The following TCF12 variants were observed in gnomAD, a reference collection of about 807,000 sequenced individuals.
TCF12 encodes the protein DNA-binding protein HTF4.
Under a neutral mutation model 86.0 loss-of-function variants are expected in TCF12, and 45 were observed. That is an observed-to-expected ratio of 0.52 (90% confidence interval 0.41 to 0.67). The LOEUF is 0.67. Ranked by LOEUF, TCF12 falls within the 30% of genes least tolerant of loss-of-function variation. The pLI is 0.00. For synonymous variants in TCF12, 330 were observed against 299.6 expected (o/e 1.10, Z -1.05); for missense variants, 881 against 859.9 (o/e 1.02, Z -0.31).
intron 3 of TCF12, among the ~76,000 whole-genome samples, chr15:57,047,690 A>C (rs1211734725): frequency 6.6e-6 from 1 of 152,260 alleles, no homozygotes; most frequent in African/African-American, 2.4e-5. Context: ...GCCTCAACTG[A>C]AAAAACCTTT....
chr15:57,235,675 G>C (rs956091981), intron 12 of TCF12, among the ~76,000 whole-genome samples: 1 of 152,166 alleles, frequency 6.6e-6, no homozygotes, highest in African/African-American at 2.4e-5. Flanking sequence ...TCCTTCTCCT[G>C]ATTCTGGAAG....
intron 5 of TCF12, among the ~76,000 whole-genome samples, chr15:57,102,999 A>G (rs866951285): frequency 3.9e-5 from 6 of 152,208 alleles, no homozygotes; most frequent in African/African-American, 1.4e-4. Flanking sequence ...GAGGTGTGGC[A>G]GTTGGGCAGT....
chr15:57,007,850 C>CT, intron 3 of TCF12, among the ~76,000 whole-genome samples: 1 of 73,580 alleles, frequency 1.4e-5, no homozygotes. Flanking sequence ...CTCTCTTTCC[C>CT]TCCCTTCCTT....
At chr15:56,983,678 T>C (rs929738528) in intron 3 of TCF12, among the ~76,000 whole-genome samples, 1 of 152,024 alleles carries the variant, frequency 6.6e-6, no homozygotes, top group African/African-American at 2.4e-5. Context: ...TGTAAAACTT[T>C]AGTCTTTAGA....
At chr15:57,112,854 T>C (rs560969974) in intron 5 of TCF12, among the ~76,000 whole-genome samples, 1 of 152,294 alleles carries the variant, frequency 6.6e-6, no homozygotes, top group Admixed American at 6.5e-5. Flanking sequence ...TGTCTAGACA[T>C]TACATTCCAT....
At chr15:57,049,396 C>T (rs1199864795) in intron 3 of TCF12, among the ~76,000 whole-genome samples, 1 of 152,206 alleles carries the variant, frequency 6.6e-6, no homozygotes, top group African/African-American at 2.4e-5. Context: ...CTACTCCAAA[C>T]AACCATTGTT....
At chr15:56,941,555 A>G (rs1485997421) in intron 3 of TCF12, among the ~76,000 whole-genome samples, 1 of 151,620 alleles carries the variant, frequency 6.6e-6, no homozygotes, top group Admixed American at 6.6e-5. Context: ...TGTATTTTTC[A>G]GTAGAGACAG....
intron 6 of TCF12, among the ~76,000 whole-genome samples, chr15:57,169,117 C>A (rs1168902492): frequency 1.3e-5 from 2 of 152,170 alleles, no homozygotes; most frequent in Non-Finnish European, 2.9e-5. Context: ...ATAAAAGTAA[C>A]TACAAAGAAT....
intron 3 of TCF12, among the ~76,000 whole-genome samples, chr15:56,938,375 G>C (rs905814283): frequency 6.6e-6 from 1 of 151,858 alleles, no homozygotes; most frequent in African/African-American, 2.4e-5. Flanking sequence ...TGGCCAGGAT[G>C]GTCTTGATCT....
chr15:57,150,527 C>G (rs148265926), intron 5 of TCF12, among the ~76,000 whole-genome samples: 3 of 152,122 alleles, frequency 2.0e-5, no homozygotes, highest in East Asian at 1.9e-4. Context: ...CTTGCCAGAA[C>G]AAAGTCTGAC....
chr15:57,277,202 A>G (rs980796670), intron 19 of TCF12, among the ~76,000 whole-genome samples: 3 of 152,192 alleles, frequency 2.0e-5, no homozygotes, highest in South Asian at 2.1e-4. Context: ...GTGTGTGCCT[A>G]TAGTCCCAGC....
chr15:57,020,376 G>C (rs1288117955), intron 3 of TCF12, among the ~76,000 whole-genome samples: 1 of 152,164 alleles, frequency 6.6e-6, no homozygotes, highest in Non-Finnish European at 1.5e-5. Context: ...TATAGAAGTG[G>C]AGAAACAGTA....
intron 3 of TCF12, among the ~76,000 whole-genome samples, chr15:57,029,762 A>G (rs2066036341): frequency 6.6e-6 from 1 of 152,086 alleles, no homozygotes; most frequent in Non-Finnish European, 1.5e-5. Flanking sequence ...CCTGGCAGCC[A>G]TTGATCTGTT....
intron 3 of TCF12, among the ~76,000 whole-genome samples, chr15:56,978,324 A>T (rs371573060): frequency 2.6e-5 from 4 of 152,226 alleles, no homozygotes; most frequent in Non-Finnish European, 5.9e-5. Context: ...AGTTATCCAG[A>T]CAAAACAATA....
intron 5 of TCF12, among the ~76,000 whole-genome samples, chr15:57,137,672 TTTTG>T (rs761165029): frequency 3.4e-4 from 51 of 152,208 alleles, no homozygotes; most frequent in Admixed American, 1.5e-3. Flanking sequence ...TTTGCAAATG[TTTTG>T]TTTATTTTTA....
chr15:57,035,993 T>A (rs2066484479), intron 3 of TCF12, among the ~76,000 whole-genome samples: 1 of 152,042 alleles, frequency 6.6e-6, no homozygotes, highest in Non-Finnish European at 1.5e-5. Flanking sequence ...CTTATGAAAA[T>A]CTAACTAATG....
chr15:57,147,025 T>C (rs1350073198), intron 5 of TCF12, among the ~76,000 whole-genome samples: 1 of 152,220 alleles, frequency 6.6e-6, no homozygotes, highest in Non-Finnish European at 1.5e-5. Flanking sequence ...AATGTTTTGT[T>C]TTTATTGTCA....
rs181533727 is a variant in TCF12 at position 57,097,454 on chromosome 15, G to T, written c.325+5563G>T. Among the ~76,000 whole-genome samples, 639 of 152,168 alleles carry T rather than the reference G, an allele frequency of 4.2e-3. 4 individuals are homozygous for T. The highest frequency in any genetic ancestry group is 6.8e-3 in the Non-Finnish European group (465 of 67,988). ...TGAGAGGGAGGATTCCTTGAGCTGGGGAGGTGGAGATTGCAGTGAGCCAGA... is the reference window on the plus strand; with the variant it reads ...TGAGAGGGAGGATTCCTTGAGCTGGTGAGGTGGAGATTGCAGTGAGCCAGA... On this transcript the variant is annotated intron_variant, in intron 5 of 20. Coordinates refer to ENST00000333725, the MANE Select transcript of TCF12 (RefSeq NM_207037.2).
intron 6 of TCF12, among the ~76,000 whole-genome samples, chr15:57,180,519 T>A (rs1806625036): frequency 6.6e-6 from 1 of 152,132 alleles, no homozygotes; most frequent in Admixed American, 6.5e-5. Flanking sequence ...TTTTATACCT[T>A]TCTATTCCTT....
Sources: gnomAD v4.1 joint callset for allele counts (sites outside exome capture counted in the v4.1 genomes callset) on GRCh38, gnomAD v4.1.1 for gene constraint, MANE v1.5 for transcripts, NCBI Gene and HGNC (gene_info 2026-07-23, HGNC 2026-07-21) for gene names.